ROBO2: variants seen among roughly 807,000 people sequenced by gnomAD.
The protein encoded by ROBO2 is roundabout homolog 2.
Under a neutral mutation model 160.8 loss-of-function variants are expected in ROBO2, and 53 were observed. That is an observed-to-expected ratio of 0.33 (90% CI 0.26 to 0.41). The LOEUF (loss-of-function observed/expected upper bound fraction) is 0.41. Among genes scored for constraint, ROBO2 ranks in the 10% least tolerant of loss-of-function variants. The probability of loss-of-function intolerance (pLI) is 1.00; values close to 1 mark genes in which losing one functional copy is unlikely to be tolerated. For missense variants in ROBO2, 1,577 were observed against 1,722.4 expected (o/e 0.92, Z 1.49); for synonymous variants, 664 against 611.7 (o/e 1.09, Z -1.26).
intron 2 of ROBO2, among the ~76,000 whole-genome samples, chr3:76,217,816 G>T (rs569190884): frequency 6.6e-6 from 1 of 152,088 alleles, no homozygotes; most frequent in Non-Finnish European, 1.5e-5. Flanking sequence ...ATTTTATGAG[G>T]CCAGCATCAT....
intron 5 of ROBO2, among the ~76,000 whole-genome samples, chr3:77,508,478 T>C (rs958901530): frequency 2.7e-5 from 4 of 148,744 alleles, no homozygotes; most frequent in African/African-American, 9.8e-5. Flanking sequence ...ATTAAATATA[T>C]AAATATATTT....
chr3:77,451,500 A>T (rs1258462005), intron 2 of ROBO2, among the ~76,000 whole-genome samples: 1 of 152,126 alleles, frequency 6.6e-6, no homozygotes, highest in Non-Finnish European at 1.5e-5. Context: ...GGGTACAGGT[A>T]TGTTTTGGCT....
At chr3:77,127,356 G>C (rs12107972) in intron 2 of ROBO2, among the ~76,000 whole-genome samples, 9,344 of 152,018 alleles carry the variant, frequency 0.061, 953 homozygotes, top group African/African-American at 0.21. Context: ...TGAGCTTTCT[G>C]TTACTCTTGT....
At chr3:76,236,068 C>T (rs139122105) in intron 2 of ROBO2, among the ~76,000 whole-genome samples, 1 of 152,144 alleles carries the variant, frequency 6.6e-6, no homozygotes, top group African/African-American at 2.4e-5. Context: ...ATCACCAGCT[C>T]AGATAATTCA....
chr3:76,292,423 G>A lies in ROBO2; in HGVS notation c.109+354821G>A, dbSNP rs145964370. On this transcript the variant is annotated intron_variant, in intron 2 of 26. Coordinates refer to the ROBO2 transcript ENST00000487694. The stretch of plus-strand genomic sequence containing the variant: ...ACAGTCCAAGTAAGTGTTCATTGGC[G>A]TCTACGATGAGTGAGTCTTCTGTCA... Among the ~76,000 whole-genome samples, 769 of 152,220 alleles carry A rather than the reference G, an allele frequency of 5.1e-3. 21 individuals carry two copies. The highest frequency in any genetic ancestry group is 0.041 in the Admixed American group (628 of 15,290).
At chr3:77,294,660 C>G (rs2061816239) in intron 2 of ROBO2, among the ~76,000 whole-genome samples, 1 of 148,998 alleles carries the variant, frequency 6.7e-6, no homozygotes, top group South Asian at 2.1e-4. Context: ...TCACCCCAGA[C>G]ATAAAGTAAA....
chr3:76,109,068 CT>C (rs778392445), intron 2 of ROBO2, among the ~76,000 whole-genome samples: 4 of 151,736 alleles, frequency 2.6e-5, no homozygotes, highest in African/African-American at 4.8e-5. Context: ...ATTAATAATG[CT>C]GCTACTGGTT....
intron 2 of ROBO2, among the ~76,000 whole-genome samples, chr3:76,329,889 C>A (rs893366332): frequency 6.6e-6 from 1 of 152,130 alleles, no homozygotes; most frequent in Non-Finnish European, 1.5e-5. Flanking sequence ...CTTAAAGAAG[C>A]CTTGATACTT....
chr3:76,718,513 A>G (rs1266030471), intron 2 of ROBO2, among the ~76,000 whole-genome samples: 3 of 152,138 alleles, frequency 2.0e-5, no homozygotes, highest in Non-Finnish European at 4.4e-5. Context: ...GTTTTTCTCA[A>G]TTTTCATCTT....
At chr3:77,532,341 G>A (rs1179121524) in intron 6 of ROBO2, among the ~76,000 whole-genome samples, 1 of 151,804 alleles carries the variant, frequency 6.6e-6, no homozygotes, top group Non-Finnish European at 1.5e-5. Context: ...TTTACCATAT[G>A]AATATGCATG....
intron 2 of ROBO2, among the ~76,000 whole-genome samples, chr3:76,234,949 A>G (rs1325516235): frequency 9.9e-5 from 15 of 151,612 alleles, no homozygotes; most frequent in Admixed American, 2.0e-4. Flanking sequence ...GCTGATTTAG[A>G]TGGTTTAGAA....
intron 2 of ROBO2, among the ~76,000 whole-genome samples, chr3:77,395,551 C>T (rs906564729): frequency 7.2e-5 from 11 of 152,054 alleles, no homozygotes; most frequent in Non-Finnish European, 1.5e-5. Context: ...TTGGATTAAT[C>T]GAATGCCCAA....
At chr3:75,936,965 A>G (rs938276408) in intron 1 of ROBO2, among the ~76,000 whole-genome samples, 1 of 152,080 alleles carries the variant, frequency 6.6e-6, no homozygotes, top group Non-Finnish European at 1.5e-5. Context: ...TTTGCACATG[A>G]TGAATCTCTT....
At chr3:77,024,431 C>T (rs965096208) in intron 2 of ROBO2, among the ~76,000 whole-genome samples, 2 of 152,114 alleles carry the variant, frequency 1.3e-5, no homozygotes, top group African/African-American at 4.8e-5. Context: ...CACTGATGGA[C>T]GGAATCAGCA....
intron 6 of ROBO2, among the ~76,000 whole-genome samples, chr3:77,544,668 G>T (rs1489533872): frequency 6.6e-6 from 1 of 152,036 alleles, no homozygotes; most frequent in Non-Finnish European, 1.5e-5. Flanking sequence ...CTTTTCTCCT[G>T]AAGGACTGAA....
chr3:76,991,601 T>G (rs2060668574), intron 2 of ROBO2, among the ~76,000 whole-genome samples: 1 of 152,208 alleles, frequency 6.6e-6, no homozygotes, highest in Admixed American at 6.5e-5. Flanking sequence ...TTTCATTACG[T>G]TTTGAAGAGA....
chr3:76,667,769 A>G (rs1286353585), intron 2 of ROBO2, among the ~76,000 whole-genome samples: 1 of 148,142 alleles, frequency 6.8e-6, no homozygotes, highest in Non-Finnish European at 1.5e-5. Flanking sequence ...TAATATCTCA[A>G]ATAATTTTTC....
At chr3:76,570,025 C>T (rs971008832) in intron 2 of ROBO2, among the ~76,000 whole-genome samples, 2 of 152,124 alleles carry the variant, frequency 1.3e-5, no homozygotes, top group African/African-American at 4.8e-5. Context: ...GTCCTAGCTA[C>T]TTAGGAGGCT....
At chr3:76,345,309 CT>C (rs112449041) in intron 2 of ROBO2, among the ~76,000 whole-genome samples, 1,761 of 151,904 alleles carry the variant, frequency 0.012, 36 homozygotes, top group African/African-American at 0.04. Flanking sequence ...TATTTGCACA[CT>C]TTTTTTTCTG....
Sources: gnomAD v4.1 joint callset for allele counts (sites outside exome capture counted in the v4.1 genomes callset) on GRCh38, gnomAD v4.1.1 for gene constraint, MANE v1.5 for transcripts, NCBI Gene and HGNC (gene_info 2026-07-23, HGNC 2026-07-21) for gene names.